Variants in GRID2 observed in about 807,000 individuals in gnomAD.
The protein encoded by GRID2 is glutamate ionotropic receptor delta type subunit 2, also known as glutamate receptor ionotropic, delta-2.
A neutral mutation model predicts 114.8 loss-of-function variants in GRID2; 33 were observed. The ratio of observed to expected loss-of-function variants is 0.29; its 90% CI spans 0.22 to 0.38. The LOEUF (loss-of-function observed/expected upper bound fraction) is 0.38. Among genes scored for constraint, GRID2 ranks in the 10% least tolerant of loss-of-function variants. The probability of loss-of-function intolerance (pLI) is 1.00; values close to 1 mark genes in which losing one functional copy is unlikely to be tolerated. For missense variants in GRID2, 1,184 were observed against 1,257.7 expected, an observed-to-expected ratio of 0.94 and a Z score of 0.89; for synonymous variants, 505 against 449.9, an observed-to-expected ratio of 1.12 and a Z score of -1.55.
chr4:92,777,412 A>G (rs1447056381), intron 2 of GRID2, among the ~76,000 whole-genome samples: 1 of 152,086 alleles, frequency 6.6e-6, no homozygotes, highest in Non-Finnish European at 1.5e-5. Flanking sequence ...CATCCAGTCC[A>G]AATCCACTTA....
intron 13 of GRID2, among the ~76,000 whole-genome samples, chr4:93,553,243 C>T (rs894161709): frequency 1.3e-5 from 2 of 152,188 alleles, no homozygotes; most frequent in Non-Finnish European, 2.9e-5. Context: ...TGCACTCCCA[C>T]CAACAGTGTA....
chr4:93,095,776 T>C (rs921472206), intron 3 of GRID2, among the ~76,000 whole-genome samples: 1 of 152,030 alleles, frequency 6.6e-6, no homozygotes, highest in African/African-American at 2.4e-5. Context: ...TGGAGAGATA[T>C]ATGTTCATGA....
At chr4:93,026,952 A>C (rs10012031) in intron 2 of GRID2, among the ~76,000 whole-genome samples, 3 of 152,094 alleles carry the variant, frequency 2.0e-5, no homozygotes, top group Admixed American at 6.6e-5. Flanking sequence ...TGTGAAGATG[A>C]GAAGAATGTT....
intron 2 of GRID2, among the ~76,000 whole-genome samples, chr4:92,701,680 A>C (rs925628106): frequency 6.6e-6 from 1 of 152,196 alleles, no homozygotes; most frequent in Admixed American, 6.5e-5. Context: ...AGAATAAAAA[A>C]AGCCCTCTTT....
At chr4:92,718,790 A>C (rs183165386) in intron 2 of GRID2, among the ~76,000 whole-genome samples, 3 of 151,192 alleles carry the variant, frequency 2.0e-5, no homozygotes, top group Admixed American at 2.0e-4. Flanking sequence ...AAAAGCCAGA[A>C]TACTCTTAAG....
chr4:92,500,741 G>T (rs1030954734), intron 1 of GRID2, among the ~76,000 whole-genome samples: 1 of 152,080 alleles, frequency 6.6e-6, no homozygotes, highest in African/African-American at 2.4e-5. Context: ...CCTGATACCT[G>T]ATTTTCTCAG....
chr4:92,387,528 AT>A (rs1291724760), intron 1 of GRID2, among the ~76,000 whole-genome samples: 1 of 151,896 alleles, frequency 6.6e-6, no homozygotes, highest in Non-Finnish European at 1.5e-5. Flanking sequence ...GACCTTTCCT[AT>A]TTGTCTAGAG....
intron 8 of GRID2, among the ~76,000 whole-genome samples, chr4:93,312,338 A>G (rs148119747): frequency 1.2e-3 from 177 of 152,318 alleles, no homozygotes; most frequent in Non-Finnish European, 2.1e-3. Flanking sequence ...CTGCCTTCTA[A>G]TGCAAGTATT....
chr4:92,447,399 T>C (rs1733525231), intron 1 of GRID2, among the ~76,000 whole-genome samples: 2 of 152,196 alleles, frequency 1.3e-5, no homozygotes, highest in Admixed American at 1.3e-4. Flanking sequence ...TGTGCATCTA[T>C]GTAAGTGAAA....
chr4:93,337,548 A>C (rs1337885260), intron 8 of GRID2, among the ~76,000 whole-genome samples: 1 of 152,198 alleles, frequency 6.6e-6, no homozygotes, highest in Non-Finnish European at 1.5e-5. Context: ...GAAGGGAGAC[A>C]CTATCTTTAT....
At chr4:92,903,846 T>A (rs1747758652) in intron 2 of GRID2, among the ~76,000 whole-genome samples, 1 of 151,964 alleles carries the variant, frequency 6.6e-6, no homozygotes, top group Admixed American at 6.6e-5. Flanking sequence ...TTCTCTCTCC[T>A]CAATGTGCTC....
intron 14 of GRID2, among the ~76,000 whole-genome samples, chr4:93,763,517 G>A (rs182223200): frequency 6.6e-6 from 1 of 152,198 alleles, no homozygotes; most frequent in Non-Finnish European, 1.5e-5. Flanking sequence ...CGTTTACTCA[G>A]GGTTTAAGAA....
chr4:92,940,807 G>C (rs951481685), intron 2 of GRID2, among the ~76,000 whole-genome samples: 11 of 152,020 alleles, frequency 7.2e-5, no homozygotes, highest in South Asian at 2.1e-4. Context: ...AAGGCCTTTT[G>C]TGCATCTATT....
At chr4:92,568,928 A>T (rs1339073477) in intron 1 of GRID2, among the ~76,000 whole-genome samples, 1 of 151,952 alleles carries the variant, frequency 6.6e-6, no homozygotes, top group African/African-American at 2.4e-5. Flanking sequence ...GCTGCATACT[A>T]TTCCATGATG....
At chr4:93,399,590 G>T (rs918487222) in intron 9 of GRID2, among the ~76,000 whole-genome samples, 1 of 152,060 alleles carries the variant, frequency 6.6e-6, no homozygotes, top group Non-Finnish European at 1.5e-5. Context: ...GATAAGGCAT[G>T]GGAGGAAGCA....
chr4:92,951,004 C>G (rs1751992395), intron 2 of GRID2, among the ~76,000 whole-genome samples: 1 of 152,060 alleles, frequency 6.6e-6, no homozygotes, highest in Non-Finnish European at 1.5e-5. Context: ...TTAGAAAAAT[C>G]TAAATATTGC....
intron 4 of GRID2, among the ~76,000 whole-genome samples, chr4:93,120,651 G>C (rs1458647093): frequency 2.0e-5 from 3 of 152,050 alleles, no homozygotes; most frequent in African/African-American, 7.2e-5. Flanking sequence ...TGCATGCAGA[G>C]CTTAAAACAT....
chr4:92,660,215 T>C (rs184306534), intron 2 of GRID2, among the ~76,000 whole-genome samples: 1 of 151,446 alleles, frequency 6.6e-6, no homozygotes, highest in African/African-American at 2.4e-5. Context: ...AAAAGTGATG[T>C]GTTTTATTCA....
chr4:93,705,734 G>A (rs532926340), intron 14 of GRID2, among the ~76,000 whole-genome samples: 2 of 152,152 alleles, frequency 1.3e-5, no homozygotes, highest in African/African-American at 4.8e-5. Flanking sequence ...TGCTTTTGAG[G>A]TATTATTCAT....
Sources: gnomAD v4.1 joint callset for allele counts (sites outside exome capture counted in the v4.1 genomes callset) on GRCh38, gnomAD v4.1.1 for gene constraint, MANE v1.5 for transcripts, NCBI Gene and HGNC (gene_info 2026-07-23, HGNC 2026-07-21) for gene names.